Variants in KSR1 observed in about 807,000 individuals in gnomAD.
KSR1 encodes kinase suppressor of ras 1, also known as kinase suppressor of ras.
Under a neutral mutation model 92.9 loss-of-function variants are expected in KSR1, and 35 were observed. The observed-to-expected ratio is 0.38, with a 90% CI of 0.29 to 0.50. KSR1 has a LOEUF of 0.50. Ranked by LOEUF, KSR1 falls within the 20% of genes least tolerant of loss-of-function variation. The pLI is 0.94. For synonymous variants in KSR1, 467 were observed against 472.6 expected (o/e 0.99, Z 0.15); for missense variants, 972 against 1,158.5 (o/e 0.84, Z 2.34).
Position 27,626,148 on chromosome 17 carries a change from C to T in KSR1, c.*2756C>T, listed in dbSNP as rs541492689. 1 of 152,312 alleles carries T rather than the reference C, an allele frequency of 6.6e-6. No homozygotes were observed. The highest frequency in any genetic ancestry group is 1.9e-4 in the East Asian group (1 of 5,182). The allele number at this position is 152,312 out of a possible 1,614,324, so 9.4% of individuals were successfully genotyped here. Reference sequence around the variant, plus strand: ...AATGTGAAGCCAGTTGGAGTTTGTGCTATGCAGCAGTGTTAGCCAGGATCT... The same window carrying T: ...AATGTGAAGCCAGTTGGAGTTTGTGTTATGCAGCAGTGTTAGCCAGGATCT... On this transcript the variant is annotated 3_prime_UTR_variant, in exon 21 of 21. Transcript: ENST00000644974.
intron 1 of KSR1, among the ~76,000 whole-genome samples, chr17:27,536,402 CTTCCTT>C (rs1261178781): frequency 3.3e-5 from 5 of 152,174 alleles, no homozygotes; most frequent in African/African-American, 9.7e-5. Flanking sequence ...GAATCTTCTC[CTTCCTT>C]TACACCCACA....
Position 27,495,813 on chromosome 17 carries a change from A to T in KSR1, c.231+38939A>T, listed in dbSNP as rs76161410. Among the ~76,000 whole-genome samples the T allele has an allele frequency of 5.9e-5, 9 of 152,226 alleles. No individual in the cohort carries two copies. The East Asian group carries it at 1.7e-3, about 29-fold the overall frequency. Reference sequence around the variant, plus strand: ...TAGCTGTCATTGATCAGGTGCAAACATGCTTTTCAAAGCCTGGAATCATTT... The same window carrying T: ...TAGCTGTCATTGATCAGGTGCAAACTTGCTTTTCAAAGCCTGGAATCATTT... On this transcript the variant is annotated intron_variant, in intron 1 of 20. Transcript: ENST00000644974.
intron 1 of KSR1, among the ~76,000 whole-genome samples, chr17:27,535,948 T>C (rs987550411): frequency 1.3e-5 from 2 of 152,262 alleles, no homozygotes; most frequent in Admixed American, 1.3e-4. Flanking sequence ...CACAGCAATG[T>C]GAGAGGGCCC....
chr17:27,472,942 C>T (rs1567742569), intron 1 of KSR1, among the ~76,000 whole-genome samples: 2 of 152,174 alleles, frequency 1.3e-5, no homozygotes, highest in African/African-American at 2.4e-5. Context: ...GACAGGGTCT[C>T]GCAGTGTTTC....
chr17:27,479,890 T>C (rs913285098), intron 1 of KSR1, among the ~76,000 whole-genome samples: 3 of 151,984 alleles, frequency 2.0e-5, no homozygotes, highest in Admixed American at 1.3e-4. Flanking sequence ...TGACCTGTGC[T>C]GCGGGGGCAC....
intron 2 of KSR1, among the ~76,000 whole-genome samples, chr17:27,576,210 TG>T (rs2072499476): frequency 6.6e-6 from 1 of 152,212 alleles, no homozygotes; most frequent in South Asian, 2.1e-4. Flanking sequence ...GAAGCCTACT[TG>T]GATAATTTCC....
At chr17:27,608,142 A>C in intron 15 of KSR1, 132 bp downstream of exon 15, 1 of 643,172 alleles carries the variant, frequency 1.6e-6, no homozygotes, top group Non-Finnish European at 2.8e-6. Context: ...CAGGCTCCTC[A>C]AGGGTGGGAC....
intron 1 of KSR1, among the ~76,000 whole-genome samples, chr17:27,463,169 A>G (rs1166363261): frequency 6.6e-6 from 1 of 152,228 alleles, no homozygotes; most frequent in Non-Finnish European, 1.5e-5. Flanking sequence ...TCATACATTT[A>G]TCCATTTGCC....
chr17:27,599,770 G>A lies in KSR1; in HGVS notation c.1469-1590G>A, dbSNP rs545592378. Among the ~76,000 whole-genome samples, 25 of 152,062 alleles carry A rather than the reference G, an allele frequency of 1.6e-4. No individual in the cohort carries two copies. The South Asian group carries it at 5.0e-3, about 30-fold the overall frequency. Reference sequence around the variant, plus strand: ...CATTTTTTTTAACTTGGACTCTTTTGTAATAACACTTAGCCCAAAACAAAC... The same window carrying A: ...CATTTTTTTTAACTTGGACTCTTTTATAATAACACTTAGCCCAAAACAAAC... On this transcript the variant is annotated intron_variant, in intron 10 of 20. Transcript: ENST00000644974.
At chr17:27,511,527 GA>G (rs951641224) in intron 1 of KSR1, among the ~76,000 whole-genome samples, 12 of 152,218 alleles carry the variant, frequency 7.9e-5, no homozygotes, top group African/African-American at 2.9e-4. Flanking sequence ...GGAGCAGTTA[GA>G]CCCCACTCAG....
intron 1 of KSR1, among the ~76,000 whole-genome samples, chr17:27,498,158 C>T (rs1037161928): frequency 5.9e-5 from 9 of 151,802 alleles, no homozygotes; most frequent in African/African-American, 1.2e-4. Flanking sequence ...GGTGAAACCC[C>T]GTCTCTACTG....
chr17:27,538,371 C>G (rs984221943), intron 1 of KSR1, among the ~76,000 whole-genome samples: 1 of 152,204 alleles, frequency 6.6e-6, no homozygotes, highest in African/African-American at 2.4e-5. Flanking sequence ...ATGGCCACTG[C>G]AGCTTGTCTG....
rs1185803413 is a variant in KSR1, at chr17:27,592,575, C to G, written c.1248C>G (p.Asp416Glu). 6.2e-7 allele frequency: 1 copy of G among 1,613,966 alleles called. No homozygotes were observed. The highest frequency in any genetic ancestry group is 8.5e-7 in the Non-Finnish European group (1 of 1,179,890). ...CCTCGGACATCAACAACCCGGTGGA[C>G]AGAGCAGCCGAACCCCATTTTGGAA... is the stretch of plus-strand genomic sequence containing the variant. ...SVPSDINNPV[D>E]RAAEPHFGTL... is the part of the protein sequence containing the mutation. Residue 416 changes from aspartate to glutamate, a missense_variant, in exon 9 of 21, where the codon GAC becomes GAG. Asp to Glu is a conservative substitution (Grantham distance 45). Transcript: ENST00000644974.
At chr17:27,526,231 G>C (rs1159277979) in intron 1 of KSR1, among the ~76,000 whole-genome samples, 2 of 151,724 alleles carry the variant, frequency 1.3e-5, no homozygotes, top group African/African-American at 4.9e-5. Context: ...GGGTACAAAG[G>C]GTGCAGCTGT....
chr17:27,604,079 C>A (rs1291449532), intron 12 of KSR1, among the ~76,000 whole-genome samples, 191 bp downstream of exon 12: 2 of 152,108 alleles, frequency 1.3e-5, no homozygotes, highest in Non-Finnish European at 2.9e-5. Flanking sequence ...GTGCGGTCAA[C>A]ATTGGGTGGG....
Position 27,500,981 on chromosome 17 carries a change from G to A in KSR1, c.231+44107G>A, listed in dbSNP as rs117137912. On this transcript the variant is annotated intron_variant, in intron 1 of 20. Transcript: ENST00000644974. ...CAAGTTATGTGATAATGACAATGGC[G>A]GATGTTTTTCAAGCCCTTCCTATGT... Among the ~76,000 whole-genome samples, 1,253 of 152,302 alleles carry A rather than the reference G, an allele frequency of 8.2e-3. 30 individuals carry two copies. Among genetic ancestry groups the A allele is most frequent in the South Asian group, 0.075 (361 of 4,826 alleles).
chr17:27,472,670 G>A (rs1246937691), intron 1 of KSR1, among the ~76,000 whole-genome samples: 1 of 152,228 alleles, frequency 6.6e-6, no homozygotes, highest in Non-Finnish European at 1.5e-5. Flanking sequence ...GGGCATGGCG[G>A]TGGGTGCCTG....
intron 3 of KSR1, chr17:27,578,562 AG>A (rs1164172828): frequency 6.6e-6 from 1 of 152,258 alleles, no homozygotes; most frequent in Admixed American, 6.5e-5. Flanking sequence ...AGAGAGGGAA[AG>A]GGCTTGGGTA....
chr17:27,484,751 TG>T (rs773425405), intron 1 of KSR1, among the ~76,000 whole-genome samples: 13 of 152,186 alleles, frequency 8.5e-5, no homozygotes, highest in Non-Finnish European at 1.5e-4. Context: ...GGTCAGGATC[TG>T]CCTCTCAGAG....
Sources: allele counts gnomAD v4.1 joint callset (sites outside exome capture counted in the v4.1 genomes callset), GRCh38; gene constraint gnomAD v4.1.1; transcripts MANE v1.5; gene names NCBI Gene and HGNC (gene_info 2026-07-23, HGNC 2026-07-21).